FOXO3: variants seen among roughly 807,000 people sequenced by gnomAD.
FOXO3 encodes forkhead box protein O3.
A neutral mutation model predicts 41.9 loss-of-function variants in FOXO3; 4 were observed. That is an observed-to-expected ratio of 0.10 (90% CI 0.05 to 0.22). The LOEUF (loss-of-function observed/expected upper bound fraction) is 0.22, where lower values mean the gene tolerates loss of function less well. Among genes scored for constraint, FOXO3 ranks in the 10% least tolerant of loss-of-function variants. FOXO3 has a pLI of 1.00. For missense variants in FOXO3, 534 were observed against 906.8 expected, an observed-to-expected ratio of 0.59 and a Z score of 5.28; for synonymous variants, 318 against 389.3, an observed-to-expected ratio of 0.82 and a Z score of 2.16.
At chr6:108,593,126 G>C (rs541184677) in intron 1 of FOXO3, among the ~76,000 whole-genome samples, 3 of 152,338 alleles carry the variant, frequency 2.0e-5, no homozygotes, top group Admixed American at 2.0e-4. Flanking sequence ...AATGGATCAT[G>C]TTAGCTGGAC....
intron 1 of FOXO3, among the ~76,000 whole-genome samples, chr6:108,652,557 G>C (rs1225276072): frequency 3.9e-5 from 6 of 152,238 alleles, no homozygotes; most frequent in African/African-American, 1.4e-4. Context: ...AGTGGTGAGA[G>C]CTTCACTTTT....
intron 1 of FOXO3, among the ~76,000 whole-genome samples, chr6:108,603,255 G>A (rs1372557970): frequency 6.6e-6 from 1 of 152,148 alleles, no homozygotes. Flanking sequence ...TGCTGAATTA[G>A]TGTCCTGTGA....
chr6:108,635,626 G>T (rs1447706766), intron 1 of FOXO3, among the ~76,000 whole-genome samples: 1 of 152,182 alleles, frequency 6.6e-6, no homozygotes, highest in Non-Finnish European at 1.5e-5. Context: ...GTGCTGGGAG[G>T]TGCCTTGCCT....
intron 1 of FOXO3, among the ~76,000 whole-genome samples, chr6:108,650,016 C>T (rs755743900): frequency 6.6e-6 from 1 of 152,078 alleles, no homozygotes; most frequent in Non-Finnish European, 1.5e-5. Context: ...TATGAGCCCA[C>T]ACATCGTTCC....
Position 108,615,919 on chromosome 6 carries a change from A to G in FOXO3, c.622-47536A>G, listed in dbSNP as rs973881916. On this transcript the variant is annotated intron_variant, in intron 1 of 2. Coordinates refer to ENST00000406360, the MANE Select transcript of FOXO3 (RefSeq NM_001455.4). ...CTTTACTAGAAGTACCACTGGGTTT[A>G]TTTCTTTTGTATCTTCCAATTTCCT... is the stretch of plus-strand genomic sequence containing the variant. 4.6e-5 allele frequency among the ~76,000 whole-genome samples: 7 copies of G among 151,616 alleles called. No individual in the cohort carries two copies. The South Asian group carries it at 1.5e-3, about 32-fold the overall frequency.
intron 2 of FOXO3, among the ~76,000 whole-genome samples, chr6:108,675,325 C>CT (rs1370994525): frequency 2.6e-5 from 4 of 152,138 alleles, no homozygotes; most frequent in African/African-American, 9.7e-5. Flanking sequence ...CAAAGGCTGG[C>CT]TGGAAGGGCA....
intron 2 of FOXO3, among the ~76,000 whole-genome samples, chr6:108,666,854 C>T (rs1285349509): frequency 2.0e-5 from 3 of 152,140 alleles, no homozygotes; most frequent in East Asian, 1.9e-4. Flanking sequence ...CTAGCCACCT[C>T]GATGTTAACA....
chr6:108,659,617 C>CA (rs1778786881), intron 1 of FOXO3, among the ~76,000 whole-genome samples: 1 of 152,080 alleles, frequency 6.6e-6, no homozygotes, highest in African/African-American at 2.4e-5. Flanking sequence ...CAGTAACTGA[C>CA]AGTGCTGTAA....
In FOXO3 at chr6:108,603,907, AAAG is replaced by A. The variant is rs372313769; in HGVS notation, c.621+42082_621+42084del. ...CATTAGACAATTTTTTTTTATTTAA[AAAG>A]AAGTATTTTTGTAATGATCTTGGAA... is the stretch of plus-strand genomic sequence containing the variant. On this transcript the variant is annotated intron_variant, in intron 1 of 2. Transcript: ENST00000406360. Among the ~76,000 whole-genome samples, 18 of 152,324 alleles carry A rather than the reference AAAG, an allele frequency of 1.2e-4. 1 individual carries two copies. The South Asian group carries it at 3.5e-3, about 30-fold the overall frequency.
At position 108,681,001 on chromosome 6, in the gene FOXO3, G is replaced by A. The variant is rs1306569999; in HGVS notation, c.*1209G>A. ...AACTGATTTTTTAAATATAAGCTTA[G>A]GTTGTAATTGTACAAGTGACTCAAT... On this transcript the variant is annotated 3_prime_UTR_variant, in exon 3 of 3. Transcript: ENST00000406360. 1 of 152,616 alleles carries A rather than the reference G, an allele frequency of 6.6e-6. No homozygotes were observed. Among genetic ancestry groups the A allele is most frequent in the Non-Finnish European group, 1.5e-5 (1 of 68,040 alleles). The allele number at this position is 152,616 out of a possible 1,614,324, so 9.5% of individuals were successfully genotyped here. A position where few individuals can be genotyped will look rare whatever the true frequency, so the allele number is the denominator to read the frequency against.
intron 1 of FOXO3, among the ~76,000 whole-genome samples, chr6:108,598,609 G>A (rs1776958106): frequency 6.6e-6 from 1 of 152,112 alleles, no homozygotes; most frequent in African/African-American, 2.4e-5. Flanking sequence ...ATTTTAAAAG[G>A]TCTGGGGCTG....
chr6:108,588,542 C>T (rs980700263), intron 1 of FOXO3, among the ~76,000 whole-genome samples: 1 of 152,168 alleles, frequency 6.6e-6, no homozygotes, highest in Non-Finnish European at 1.5e-5. Context: ...ACACACAGAC[C>T]ATGGTCTTCC....
intron 1 of FOXO3, chr6:108,656,372 A>G: frequency 2.0e-6 from 2 of 985,368 alleles, no homozygotes; most frequent in Non-Finnish European, 2.4e-6. Flanking sequence ...CAAGGTAAAC[A>G]TGGTTTGGAA....
intron 1 of FOXO3, among the ~76,000 whole-genome samples, chr6:108,571,447 G>A (rs1410709840): frequency 6.6e-6 from 1 of 152,112 alleles, no homozygotes; most frequent in Admixed American, 6.5e-5. Context: ...TGACCTTATT[G>A]GGAAATAGGA....
intron 1 of FOXO3, chr6:108,617,883 A>C (rs1277086675): frequency 1.2e-5 from 4 of 340,600 alleles, no homozygotes; most frequent in Non-Finnish European, 2.3e-5. Context: ...GAACAAACAG[A>C]GAAAACTATG....
At chr6:108,563,844 G>T (rs190251658) in intron 1 of FOXO3, among the ~76,000 whole-genome samples, 2 of 152,068 alleles carry the variant, frequency 1.3e-5, no homozygotes, top group African/African-American at 2.4e-5. Context: ...AAAAGTAGCC[G>T]CGAATTGAGA....
intron 2 of FOXO3, among the ~76,000 whole-genome samples, chr6:108,667,119 A>G (rs1054340871): frequency 6.6e-6 from 1 of 152,188 alleles, no homozygotes; most frequent in Non-Finnish European, 1.5e-5. Context: ...TCTCAGGCCT[A>G]AGAGACCCCT....
chr6:108,669,795 A>G (rs1779162874), intron 2 of FOXO3, among the ~76,000 whole-genome samples: 1 of 152,184 alleles, frequency 6.6e-6, no homozygotes, highest in African/African-American at 2.4e-5. Flanking sequence ...TGTTGGTTTT[A>G]TAAAATGCAC....
chr6:108,563,955 T>C lies in FOXO3; in HGVS notation c.621+2126T>C, dbSNP rs566339566. Among the ~76,000 whole-genome samples, 366 of 151,578 alleles carry C rather than the reference T, an allele frequency of 2.4e-3. 1 individual carries two copies. The highest frequency in any genetic ancestry group is 3.6e-3 in the Non-Finnish European group (243 of 67,886). On this transcript the variant is annotated intron_variant, in intron 1 of 2. Transcript: ENST00000406360. The stretch of plus-strand genomic sequence containing the variant: ...TTTATGTCATCGTTTTTTTGTCTTA[T>C]GGTTTTTTTTTTTTACCCTTCTCTG...
Sources: allele counts gnomAD v4.1 joint callset (sites outside exome capture counted in the v4.1 genomes callset), GRCh38; gene constraint gnomAD v4.1.1; transcripts MANE v1.5; gene names NCBI Gene and HGNC (gene_info 2026-07-23, HGNC 2026-07-21).